FER: variants seen among roughly 807,000 people sequenced by gnomAD.
The protein encoded by FER is FER tyrosine kinase.
A neutral mutation model predicts 111.0 loss-of-function variants in FER; 63 were observed. The ratio of observed to expected loss-of-function variants is 0.57; its 90% CI spans 0.46 to 0.70. The LOEUF (loss-of-function observed/expected upper bound fraction) is 0.70. Among genes scored for constraint, FER ranks in the 30% least tolerant of loss-of-function variants. The pLI, the probability that FER is intolerant of heterozygous loss-of-function variation, is 0.00. For synonymous variants in FER, 327 were observed against 313.9 expected (o/e 1.04, Z -0.44); for missense variants, 914 against 954.0 (o/e 0.96, Z 0.55).
rs1433252380 is a variant in FER at position 109,189,232 on chromosome 5, G to A, written c.*1657G>A. The A allele has an allele frequency of 2.0e-5, 3 of 148,744 alleles. No individual in the cohort carries two copies. Among genetic ancestry groups the A allele is most frequent in the Non-Finnish European group, 4.5e-5 (3 of 66,654 alleles). 9.2% of individuals were successfully genotyped at this position (148,744 alleles called of 1,614,324 possible). On this transcript the variant is annotated 3_prime_UTR_variant, in exon 20 of 20. Coordinates refer to ENST00000281092, the MANE Select transcript of FER (RefSeq NM_005246.4). Reference sequence around the variant, plus strand: ...TATATAGTTGCCTCTCAGGATAAATGCATATATAGAAGATGGTCATGCTCA... The same window carrying A: ...TATATAGTTGCCTCTCAGGATAAATACATATATAGAAGATGGTCATGCTCA...
chr5:109,091,906 A>G lies in FER; in HGVS notation c.1925-8490A>G, dbSNP rs562705181. ...AGCTTTATTATTTATTAAGAAATTT[A>G]TTTATTAAGAAATACTATTATGATG... is the stretch of plus-strand genomic sequence containing the variant. On this transcript the variant is annotated intron_variant, in intron 16 of 19. Transcript: ENST00000281092. 2.2e-4 allele frequency among the ~76,000 whole-genome samples: 34 copies of G among 152,248 alleles called. No homozygotes were observed. The South Asian group carries it at 3.9e-3, about 18-fold the overall frequency.
chr5:108,937,456 T>C (rs1049442263), intron 10 of FER, among the ~76,000 whole-genome samples: 3 of 152,134 alleles, frequency 2.0e-5, no homozygotes, highest in African/African-American at 7.2e-5. Flanking sequence ...GATTTAAATT[T>C]GTGAGTAGAC....
chr5:109,180,750 C>A lies in FER; in HGVS notation c.2052C>A (p.Asp684Glu). The A allele has an allele frequency of 6.2e-7, 1 of 1,610,516 alleles. No individual in the cohort carries two copies. The highest frequency in any genetic ancestry group is 8.5e-7 in the Non-Finnish European group (1 of 1,178,656). ...YLESKNCIHR[D>E]LAARNCLVGE... Reference sequence around the variant, plus strand: ...TCTGTGTCTTACTGTAACCTAGGGACCTTGCTGCAAGAAACTGCCTGGTAG... The same window carrying A: ...TCTGTGTCTTACTGTAACCTAGGGAACTTGCTGCAAGAAACTGCCTGGTAG... The change falls in exon 18 of 20, where the codon GAC becomes GAA. Residue 684 changes from aspartate (D) to glutamate (E), a missense_variant. Asp to Glu is a conservative substitution (Grantham distance 45). Around this residue, in one of 3 missense-constraint regions of FER, gnomAD observed 6 missense variants for 22.0 expected, o/e 0.27. Transcript: ENST00000281092.
At chr5:108,983,475 T>G (rs1367660988) in intron 13 of FER, among the ~76,000 whole-genome samples, 1 of 152,156 alleles carries the variant, frequency 6.6e-6, no homozygotes, top group Non-Finnish European at 1.5e-5. Context: ...GACAGCTGAT[T>G]CATAGTATTC....
rs1220022604 is a variant in FER at position 109,191,935 on chromosome 5, A to T, written c.*4360A>T. The stretch of plus-strand genomic sequence containing the variant: ...TCCCAAAAATTCCCCTTTAAAAAAA[A>T]TGCTGTCCTACAGAAGGTGTATAAA... On this transcript the variant is annotated 3_prime_UTR_variant, in exon 20 of 20. Transcript: ENST00000281092. The T allele has an allele frequency of 6.6e-6, 1 of 152,138 alleles. No individual in the cohort carries two copies. Among genetic ancestry groups the T allele is most frequent in the Admixed American group, 6.6e-5 (1 of 15,256 alleles). 9.4% of individuals were successfully genotyped at this position (152,138 alleles called of 1,614,324 possible). A position where few individuals can be genotyped will look rare whatever the true frequency, so the allele number is the denominator to read the frequency against.
At chr5:108,906,397 A>T (rs941540080) in intron 10 of FER, among the ~76,000 whole-genome samples, 1 of 151,976 alleles carries the variant, frequency 6.6e-6, no homozygotes, top group African/African-American at 2.4e-5. Context: ...TTTGTGATCT[A>T]CTCTTCTCTG....
At chr5:108,772,824 T>C (rs1753069257) in intron 2 of FER, among the ~76,000 whole-genome samples, 1 of 152,214 alleles carries the variant, frequency 6.6e-6, no homozygotes, top group African/African-American at 2.4e-5. Context: ...AGGAATTCTA[T>C]CTAGGAATAT....
At chr5:109,023,368 A>G (rs1168298697) in intron 13 of FER, among the ~76,000 whole-genome samples, 3 of 152,178 alleles carry the variant, frequency 2.0e-5, no homozygotes, top group Non-Finnish European at 2.9e-5. Context: ...TATTGTGAAC[A>G]TGGTTAGTCT....
Position 108,765,131 on chromosome 5 carries a change from A to G in FER, c.-205-2962A>G, listed in dbSNP as rs948871541. On this transcript the variant is annotated intron_variant, in intron 1 of 19. Coordinates refer to ENST00000281092, the MANE Select transcript of FER (RefSeq NM_005246.4). ...TAAGGTGCATTAGAAAGCAGTCATT[A>G]TGCATTTTCAACTGTTATGTATGGA... is the stretch of plus-strand genomic sequence containing the variant. 7.2e-5 allele frequency among the ~76,000 whole-genome samples: 11 copies of G among 152,338 alleles called. No homozygotes were observed. The East Asian group carries it at 2.1e-3, about 29-fold the overall frequency.
chr5:109,064,363 C>T (rs964233506), intron 16 of FER, among the ~76,000 whole-genome samples: 7 of 151,726 alleles, frequency 4.6e-5, no homozygotes, highest in Admixed American at 6.6e-5. Context: ...ATATTCTTTC[C>T]CAGAGGTTGA....
intron 10 of FER, among the ~76,000 whole-genome samples, chr5:108,931,786 C>T (rs990998656): frequency 6.6e-6 from 1 of 151,968 alleles, no homozygotes. Context: ...GCCAAGAATG[C>T]ACCATTGCAC....
intron 16 of FER, among the ~76,000 whole-genome samples, chr5:109,057,467 G>A (rs1271983576): frequency 1.3e-5 from 2 of 152,092 alleles, no homozygotes; most frequent in Admixed American, 1.3e-4. Flanking sequence ...GAAGGATAAT[G>A]AATGTTATGA....
intron 5 of FER, among the ~76,000 whole-genome samples, chr5:108,859,966 G>C (rs1475196313): frequency 1.7e-5 from 2 of 120,968 alleles, no homozygotes; most frequent in African/African-American, 6.9e-5. Flanking sequence ...TTTTGAGATG[G>C]AGTCTCTCTC....
At chr5:109,086,365 A>C (rs937222356) in intron 16 of FER, among the ~76,000 whole-genome samples, 6 of 151,674 alleles carry the variant, frequency 4.0e-5, no homozygotes, top group African/African-American at 1.4e-4. Flanking sequence ...GCCTGTAAAG[A>C]TGTTTCATCT....
intron 5 of FER, among the ~76,000 whole-genome samples, chr5:108,838,035 G>A (rs956798083): frequency 6.6e-6 from 1 of 152,092 alleles, no homozygotes; most frequent in African/African-American, 2.4e-5. Flanking sequence ...CTTCACACAT[G>A]AGAGATAGGT....
intron 5 of FER, chr5:108,842,974 A>G (rs573876707): frequency 1.6e-4 from 25 of 152,380 alleles, no homozygotes; most frequent in Admixed American, 1.4e-3. Context: ...ACAATTCACA[A>G]TTGCAAAATC....
intron 13 of FER, chr5:109,014,702 TCCTA>T (rs1186690637): frequency 2.0e-5 from 3 of 152,242 alleles, no homozygotes; most frequent in African/African-American, 7.2e-5. Flanking sequence ...TATTGATTCT[TCCTA>T]CCCATGAACA....
intron 16 of FER, among the ~76,000 whole-genome samples, chr5:109,072,409 C>T (rs1775873528): frequency 2.0e-5 from 3 of 150,576 alleles, no homozygotes; most frequent in South Asian, 4.3e-4. Flanking sequence ...TACTTCTGCA[C>T]CAACCTAATA....
At chr5:109,181,030 G>C in intron 18 of FER, 129 bp downstream of exon 18, 1 of 680,416 alleles carries the variant, frequency 1.5e-6, no homozygotes, top group Non-Finnish European at 2.3e-6. Context: ...ACACAAATAA[G>C]TGAATTTCAT....
Sources: allele counts gnomAD v4.1 joint callset (sites outside exome capture counted in the v4.1 genomes callset), GRCh38; gene constraint gnomAD v4.1.1; regional missense constraint gnomAD v4.1.1; transcripts MANE v1.5; gene names NCBI Gene and HGNC (gene_info 2026-07-23, HGNC 2026-07-21).